Variants in RANBP17 observed in about 807,000 individuals in gnomAD.
The protein encoded by RANBP17 is RAN binding protein 17.
A neutral mutation model predicts 141.2 loss-of-function variants in RANBP17; 158 were observed. That is an observed-to-expected ratio of 1.12 (90% CI 0.98 to 1.28). The LOEUF (loss-of-function observed/expected upper bound fraction) is 1.28. Ranked by LOEUF, RANBP17 falls within the 50% of genes most tolerant of loss-of-function variation. RANBP17 has a pLI of 0.00. For missense variants in RANBP17, 1,438 were observed against 1,290.7 expected (o/e 1.11, Z -1.75); for synonymous variants, 430 against 450.0 (o/e 0.96, Z 0.56).
intron 13 of RANBP17, among the ~76,000 whole-genome samples, chr5:170,959,219 C>G (rs113376348): frequency 2.3e-4 from 35 of 152,284 alleles, no homozygotes; most frequent in African/African-American, 8.4e-4. Context: ...TAATAACTAG[C>G]TCAGAGTTTT....
chr5:170,982,626 C>T (rs1777853284), intron 14 of RANBP17, among the ~76,000 whole-genome samples: 1 of 151,934 alleles, frequency 6.6e-6, no homozygotes. Flanking sequence ...AATAGAGAAT[C>T]CAGGAGGTCC....
intron 4 of RANBP17, among the ~76,000 whole-genome samples, chr5:170,895,216 A>G (rs545008072): frequency 1.8e-4 from 28 of 152,344 alleles, no homozygotes; most frequent in African/African-American, 6.0e-4. Context: ...TGATAATGGA[A>G]TTCTGTGATA....
intron 14 of RANBP17, among the ~76,000 whole-genome samples, chr5:171,133,179 C>T (rs992811624): frequency 2.6e-5 from 4 of 151,976 alleles, no homozygotes; most frequent in Non-Finnish European, 4.4e-5. Context: ...CCACCGCGCC[C>T]GGCTGAATGT....
rs1189871893 is a variant in RANBP17 at position 171,009,756 on chromosome 5, A to G, written c.1710+41379A>G. Reference sequence around the variant, plus strand: ...TTCTAGCTTTTGGTAACTGATGGAAACACTTGTATCAAGTAACCATCTTGC... The same window carrying G: ...TTCTAGCTTTTGGTAACTGATGGAAGCACTTGTATCAAGTAACCATCTTGC... On this transcript the variant is annotated intron_variant, in intron 14 of 27. Transcript: ENST00000523189. Among the ~76,000 whole-genome samples, 4 of 152,180 alleles carry G rather than the reference A, an allele frequency of 2.6e-5. No individual in the cohort carries two copies. The South Asian group carries it at 8.3e-4, about 32-fold the overall frequency.
chr5:170,862,439 C>T lies in RANBP17; in HGVS notation c.18+388C>T, dbSNP rs536427149. Among the ~76,000 whole-genome samples the T allele has an allele frequency of 5.3e-3, 807 of 152,318 alleles. 3 individuals are homozygous for T. The highest frequency in any genetic ancestry group is 7.7e-3 in the Non-Finnish European group (526 of 68,022). The stretch of plus-strand genomic sequence containing the variant: ...TGGCGCGCCTCGCGCGGCTGCCGAG[C>T]GGTGGAGCAGCCTTCCCGCCTTCCC... On this transcript the variant is annotated intron_variant, in intron 1 of 27. Transcript: ENST00000523189.
chr5:170,952,829 C>G (rs1220302848), intron 12 of RANBP17, among the ~76,000 whole-genome samples: 1 of 151,946 alleles, frequency 6.6e-6, no homozygotes, highest in Admixed American at 6.6e-5. Flanking sequence ...GAAGGATCAC[C>G]TAGATCAATG....
chr5:171,113,871 T>C (rs924622808), intron 14 of RANBP17, among the ~76,000 whole-genome samples: 1 of 152,176 alleles, frequency 6.6e-6, no homozygotes, highest in African/African-American at 2.4e-5. Context: ...AGTGAAGTTT[T>C]CTAGAAGCTC....
chr5:171,181,605 A>G (rs1760865432), intron 16 of RANBP17, among the ~76,000 whole-genome samples: 1 of 152,276 alleles, frequency 6.6e-6, no homozygotes, highest in South Asian at 2.1e-4. Flanking sequence ...ATAAGCAGGT[A>G]TATGGCTAAG....
intron 14 of RANBP17, among the ~76,000 whole-genome samples, chr5:171,121,638 G>A (rs1756040128): frequency 6.6e-6 from 1 of 152,186 alleles, no homozygotes; most frequent in Non-Finnish European, 1.5e-5. Flanking sequence ...CTGCCAGACT[G>A]TTGTTCTGGG....
intron 14 of RANBP17, among the ~76,000 whole-genome samples, chr5:170,979,475 G>C (rs1235521276): frequency 6.6e-6 from 1 of 152,208 alleles, no homozygotes; most frequent in African/African-American, 2.4e-5. Context: ...TGGTCTGGCT[G>C]TGTCCCCACC....
intron 14 of RANBP17, among the ~76,000 whole-genome samples, chr5:171,046,618 A>G (rs1388807037): frequency 6.6e-6 from 1 of 152,196 alleles, no homozygotes; most frequent in Non-Finnish European, 1.5e-5. Flanking sequence ...CTTCAGTGCT[A>G]CAGTAAACAT....
At chr5:171,074,233 G>A (rs1561623625) in intron 14 of RANBP17, among the ~76,000 whole-genome samples, 1 of 152,204 alleles carries the variant, frequency 6.6e-6, no homozygotes, top group South Asian at 2.1e-4. Flanking sequence ...GCCTGATCAT[G>A]AGAACATATT....
chr5:171,148,729 T>C (rs1203562638), intron 14 of RANBP17, among the ~76,000 whole-genome samples: 2 of 152,168 alleles, frequency 1.3e-5, no homozygotes, highest in East Asian at 3.9e-4. Flanking sequence ...CGTACAGATA[T>C]GTGACTCAAT....
chr5:171,189,480 T>C (rs951833483), intron 18 of RANBP17, among the ~76,000 whole-genome samples: 1 of 152,242 alleles, frequency 6.6e-6, no homozygotes, highest in Non-Finnish European at 1.5e-5. Flanking sequence ...TCAGGGTCTT[T>C]ACATTGCAGA....
intron 14 of RANBP17, among the ~76,000 whole-genome samples, chr5:171,078,300 T>A (rs1489046046): frequency 6.6e-6 from 1 of 151,966 alleles, no homozygotes; most frequent in East Asian, 1.9e-4. Flanking sequence ...GTAGCTGGGA[T>A]TACAGGCACC....
chr5:171,179,569 G>A (rs1169804351), intron 16 of RANBP17, among the ~76,000 whole-genome samples: 4 of 152,168 alleles, frequency 2.6e-5, no homozygotes, highest in Admixed American at 2.0e-4. Flanking sequence ...GAACATGTAT[G>A]ACTTTTAAAT....
chr5:171,027,598 T>TTAA (rs901975527), intron 14 of RANBP17, among the ~76,000 whole-genome samples: 14 of 151,840 alleles, frequency 9.2e-5, no homozygotes, highest in South Asian at 2.1e-4. Flanking sequence ...CATATTATAA[T>TTAA]TAATAATAAT....
At chr5:171,054,742 A>G (rs1291939462) in intron 14 of RANBP17, among the ~76,000 whole-genome samples, 1 of 152,094 alleles carries the variant, frequency 6.6e-6, no homozygotes, top group Non-Finnish European at 1.5e-5. Context: ...GCCCCTATTC[A>G]AGATGGAATT....
intron 3 of RANBP17, among the ~76,000 whole-genome samples, chr5:170,892,175 G>A (rs1205821435): frequency 7.1e-6 from 1 of 140,670 alleles, no homozygotes; most frequent in Non-Finnish European, 1.5e-5. Context: ...TACATGTGCT[G>A]AACATGGAGG....
Sources: allele counts gnomAD v4.1 joint callset (sites outside exome capture counted in the v4.1 genomes callset), GRCh38; gene constraint gnomAD v4.1.1; transcripts MANE v1.5; gene names NCBI Gene and HGNC (gene_info 2026-07-23, HGNC 2026-07-21).